The following ZBTB44 variants were observed in gnomAD, a reference collection of about 807,000 sequenced individuals.
The protein encoded by ZBTB44 is zinc finger and BTB domain-containing protein 44.
In ZBTB44, 15 loss-of-function variants were observed where a neutral mutation model predicts 54.0. That is an observed-to-expected ratio of 0.28 (90% CI 0.19 to 0.43). The LOEUF (loss-of-function observed/expected upper bound fraction) is 0.43, where lower values mean the gene tolerates loss of function less well. ZBTB44 is among the 20% of genes least tolerant of loss of function. The probability of loss-of-function intolerance (pLI) is 1.00; values close to 1 mark genes in which losing one functional copy is unlikely to be tolerated. For synonymous variants in ZBTB44, 230 were observed against 250.1 expected, an observed-to-expected ratio of 0.92 and a Z score of 0.76; for missense variants, 487 against 707.1, an observed-to-expected ratio of 0.69 and a Z score of 3.53.
At chr11:130,300,334 CCACA>C (rs113216312) in intron 1 of ZBTB44, among the ~76,000 whole-genome samples, 1 of 150,494 alleles carries the variant, frequency 6.6e-6, no homozygotes, top group African/African-American at 2.4e-5. Context: ...GTGTATTTCA[CCACA>C]CACACACACA....
At chr11:130,260,012 G>GATAA (rs113125843) in intron 2 of ZBTB44, among the ~76,000 whole-genome samples, 218 of 151,918 alleles carry the variant, frequency 1.4e-3, no homozygotes, top group African/African-American at 5.1e-3. Context: ...AATCTAAAAA[G>GATAA]ATAAATAAAT....
intron 1 of ZBTB44, among the ~76,000 whole-genome samples, chr11:130,291,443 C>T (rs1941298054): frequency 6.6e-6 from 1 of 152,032 alleles, no homozygotes; most frequent in Non-Finnish European, 1.5e-5. Flanking sequence ...GGCCAGCCTT[C>T]CATTTTTATG....
At chr11:130,293,648 T>G (rs1702680686) in intron 1 of ZBTB44, among the ~76,000 whole-genome samples, 2 of 147,154 alleles carry the variant, frequency 1.4e-5, no homozygotes, top group Non-Finnish European at 1.5e-5. Context: ...AAGAAAGAAA[T>G]TAGCTGGGTA....
intron 1 of ZBTB44, among the ~76,000 whole-genome samples, chr11:130,302,277 T>C (rs183502358): frequency 7.7e-4 from 117 of 151,962 alleles, no homozygotes; most frequent in Non-Finnish European, 1.2e-3. Context: ...GAGTCAAGAG[T>C]TGAACCCAGC....
intron 1 of ZBTB44, chr11:130,310,091 G>A (rs1234333652): frequency 3.3e-5 from 5 of 151,986 alleles, no homozygotes; most frequent in Admixed American, 6.6e-5. Flanking sequence ...CAAGGCAGCA[G>A]GATCACTTGA....
chr11:130,268,613 C>A (rs573487103), intron 1 of ZBTB44, among the ~76,000 whole-genome samples: 4 of 152,064 alleles, frequency 2.6e-5, no homozygotes, highest in African/African-American at 9.7e-5. Flanking sequence ...GAGTCTCACT[C>A]TGTCACCCAG....
At chr11:130,268,069 CAAAA>C (rs574966633) in intron 1 of ZBTB44, among the ~76,000 whole-genome samples, 1 of 65,000 alleles carries the variant, frequency 1.5e-5, no homozygotes, top group Non-Finnish European at 3.2e-5. Flanking sequence ...ACTCTGTCTA[CAAAA>C]AAAAAAAAAA....
intron 1 of ZBTB44, among the ~76,000 whole-genome samples, chr11:130,293,111 G>A (rs1174110638): frequency 6.6e-6 from 1 of 152,010 alleles, no homozygotes. Flanking sequence ...CTTCCCTTAA[G>A]TGTTTTTTAA....
At chr11:130,235,579 T>G (rs1954072200) in intron 5 of ZBTB44, among the ~76,000 whole-genome samples, 1 of 151,996 alleles carries the variant, frequency 6.6e-6, no homozygotes, top group South Asian at 2.1e-4. Flanking sequence ...ACCTCAGGAG[T>G]TCGAGGCTGC....
chr11:130,236,481 A>G (rs1045281588), intron 5 of ZBTB44: 2 of 258,592 alleles, frequency 7.7e-6, no homozygotes, highest in South Asian at 1.8e-4. Context: ...TTCCAGTAAG[A>G]TCTATTTAAG....
intron 1 of ZBTB44, among the ~76,000 whole-genome samples, chr11:130,307,174 C>A (rs185739253): frequency 1.3e-5 from 2 of 152,050 alleles, no homozygotes; most frequent in Non-Finnish European, 1.5e-5. Flanking sequence ...CTTGTAATCC[C>A]AGCACTTTGG....
intron 2 of ZBTB44, among the ~76,000 whole-genome samples, chr11:130,244,532 T>C (rs1954545817): frequency 6.6e-6 from 1 of 151,824 alleles, no homozygotes; most frequent in South Asian, 2.1e-4. Flanking sequence ...CCGGGCGTGG[T>C]GGCGGGTGCC....
intron 2 of ZBTB44, among the ~76,000 whole-genome samples, chr11:130,248,354 T>C (rs930062904): frequency 2.0e-5 from 3 of 152,196 alleles, no homozygotes; most frequent in South Asian, 2.1e-4. Flanking sequence ...AAAAACATCA[T>C]ATTGGAGTTG....
chr11:130,248,860 T>G (rs962899570), intron 2 of ZBTB44, among the ~76,000 whole-genome samples: 2 of 152,064 alleles, frequency 1.3e-5, no homozygotes, highest in Non-Finnish European at 2.9e-5. Flanking sequence ...TCCCAGCACT[T>G]TGGGAGGCTG....
intron 1 of ZBTB44, among the ~76,000 whole-genome samples, chr11:130,274,881 T>G (rs531334646): frequency 6.6e-6 from 1 of 152,200 alleles, no homozygotes; most frequent in Non-Finnish European, 1.5e-5. Context: ...TAAAATGATA[T>G]GGGAACAGCA....
chr11:130,248,478 T>C (rs1937716539), intron 2 of ZBTB44, among the ~76,000 whole-genome samples: 1 of 151,808 alleles, frequency 6.6e-6, no homozygotes, highest in South Asian at 2.1e-4. Flanking sequence ...CTGTCTCTAC[T>C]AAAAATACAA....
At chr11:130,309,375 T>G (rs970830129) in intron 1 of ZBTB44, among the ~76,000 whole-genome samples, 4 of 152,212 alleles carry the variant, frequency 2.6e-5, no homozygotes, top group Non-Finnish European at 5.9e-5. Context: ...TTTTCAGCAC[T>G]TGGTTGACAG....
intron 1 of ZBTB44, among the ~76,000 whole-genome samples, chr11:130,276,177 G>A (rs114272389): frequency 7.6e-6 from 1 of 131,440 alleles, no homozygotes; most frequent in Non-Finnish European, 1.5e-5. Flanking sequence ...AGTGAGCTGA[G>A]ATCACACCTT....
chr11:130,232,662 T>C (rs1953921425), intron 7 of ZBTB44: 1 of 152,166 alleles, frequency 6.6e-6, no homozygotes, highest in South Asian at 2.1e-4. Context: ...TAAAAATAAA[T>C]ATGTAAGGAC....
Sources: allele counts gnomAD v4.1 joint callset (sites outside exome capture counted in the v4.1 genomes callset), GRCh38; gene constraint gnomAD v4.1.1; transcripts MANE v1.5; gene names NCBI Gene and HGNC (gene_info 2026-07-23, HGNC 2026-07-21).